MED23: variants seen among roughly 807,000 people sequenced by gnomAD.
MED23 encodes the protein mediator of RNA polymerase II transcription subunit 23.
In MED23, 105 loss-of-function variants were observed where a neutral mutation model predicts 163.9. That is an observed-to-expected ratio of 0.64 (90% CI 0.55 to 0.75). MED23 has a LOEUF of 0.75. Among genes scored for constraint, MED23 ranks in the 30% least tolerant of loss-of-function variants. The pLI, the probability that MED23 is intolerant of heterozygous loss-of-function variation, is 0.00. For synonymous variants in MED23, 561 were observed against 565.6 expected (o/e 0.99, Z 0.12); for missense variants, 1,054 against 1,649.0 (o/e 0.64, Z 6.25).
chr6:131,598,190 T>C lies in MED23; in HGVS notation c.2607+97A>G. On this transcript the variant is annotated intron_variant, in intron 20 of 28. Coordinates refer to ENST00000368068, the MANE Select transcript of MED23 (RefSeq NM_004830.4). This position sits in a 1 kb window ranked among gnomAD's most constrained non-coding sequence, Gnocchi z 4.7. The stretch of plus-strand genomic sequence containing the variant: ...AATGCTTGATATAGTATAAATTCAT[T>C]AAATCCTTCAAAGCAATATAGAGCA... 2 of 1,221,558 alleles carry C rather than the reference T, an allele frequency of 1.6e-6. No homozygotes were observed. Among genetic ancestry groups the C allele is most frequent in the Non-Finnish European group, 2.4e-6 (2 of 840,326 alleles). The allele number at this position is 1,221,558 out of a possible 1,614,324, so 75.7% of individuals were successfully genotyped here.
Position 131,598,175 on chromosome 6 carries a change from A to G in MED23, c.2607+112T>C. 1.9e-6 allele frequency: 2 copies of G among 1,059,732 alleles called. No individual in the cohort carries two copies. Among genetic ancestry groups the G allele is most frequent in the East Asian group, 2.5e-5 (1 of 39,410 alleles). The allele number at this position is 1,059,732 out of a possible 1,614,324, so 65.6% of individuals were successfully genotyped here. The stretch of plus-strand genomic sequence containing the variant: ...TAGGGAAGTGACAGCAATGCTTGAT[A>G]TAGTATAAATTCATTAAATCCTTCA... On this transcript the variant is annotated intron_variant, in intron 20 of 28. Transcript: ENST00000368068. This position sits in a 1 kb window ranked among gnomAD's most constrained non-coding sequence, Gnocchi z 4.7.
intron 30 of MED23, chr6:131,581,071 A>T: frequency 1.3e-6 from 1 of 746,646 alleles, no homozygotes; most frequent in Non-Finnish European, 2.3e-6. Context: ...CTATTGTTTT[A>T]ACTAATTGGC....
intron 10 of MED23, 66 bp from the exon 11 acceptor site, chr6:131,610,312 A>T (rs1330353141): frequency 1.4e-6 from 2 of 1,450,246 alleles, no homozygotes; most frequent in Non-Finnish European, 1.9e-6. Flanking sequence ...GTTACCAGTT[A>T]ATGGGCATTA....
chr6:131,611,556 T>C (rs914960216), intron 10 of MED23, among the ~76,000 whole-genome samples: 1 of 152,152 alleles, frequency 6.6e-6, no homozygotes, highest in African/African-American at 2.4e-5. Flanking sequence ...CAGACAACAC[T>C]ACAGACTATT....
At chr6:131,625,103 G>A (rs1777388857) in intron 3 of MED23, 114 bp from the exon 4 acceptor site, 4 of 1,155,422 alleles carry the variant, frequency 3.5e-6, no homozygotes, top group South Asian at 1.3e-5. Context: ...TTCACTATGA[G>A]CATCTGTGGA....
chr6:131,588,132 G>A (rs773574342), intron 28 of MED23, among the ~76,000 whole-genome samples: 1 of 152,074 alleles, frequency 6.6e-6, no homozygotes, highest in Non-Finnish European at 1.5e-5. Flanking sequence ...TTACAAAGGC[G>A]TATCCACTCA....
intron 5 of MED23, among the ~76,000 whole-genome samples, chr6:131,622,551 T>C (rs1329549279): frequency 3.3e-5 from 5 of 152,222 alleles, no homozygotes; most frequent in Non-Finnish European, 7.3e-5. Flanking sequence ...ATTCAACATT[T>C]ATTTATTGAC....
At chr6:131,608,861 A>G (rs762199307) in intron 11 of MED23, among the ~76,000 whole-genome samples, 15 of 152,190 alleles carry the variant, frequency 9.9e-5, no homozygotes, top group Non-Finnish European at 2.1e-4. Flanking sequence ...TATGTCTAAA[A>G]TTTTTGACAA....
intron 30 of MED23, chr6:131,581,443 G>A (rs540828658): frequency 6.6e-7 from 1 of 1,504,206 alleles, no homozygotes; most frequent in East Asian, 2.4e-5. Flanking sequence ...GGAGGTGGAA[G>A]GGAAATGAGA....
Position 131,602,378 on chromosome 6 carries a change from G to C in MED23, c.1935C>G (p.Val645=). 1 of 1,611,950 alleles carries C rather than the reference G, an allele frequency of 6.2e-7. No individual in the cohort carries two copies. Among genetic ancestry groups the C allele is most frequent in the Non-Finnish European group, 8.5e-7 (1 of 1,178,902 alleles). The stretch of plus-strand genomic sequence containing the variant: ...TTATAAGCCTGAGAGCAGTGCTCTC[G>C]ACACTGAAAATTGGGAGAATAAAAA... ...QTNQNQLHLC[V]ESTALRLITA... is the part of the protein sequence containing the mutation. Residue 645 remains valine (V), a synonymous_variant, in exon 17 of 29, where the codon GTC becomes GTG. Transcript: ENST00000368068.
At chr6:131,622,025 T>G in intron 5 of MED23, 46 bp from the exon 6 acceptor site, 3 of 1,395,320 alleles carry the variant, frequency 2.2e-6, no homozygotes, top group Non-Finnish European at 2.0e-6. Flanking sequence ...TAGTGTCTAC[T>G]GTGTTAGCTA....
chr6:131,623,557 T>C, intron 4 of MED23, 95 bp from the exon 5 acceptor site: 1 of 951,876 alleles, frequency 1.1e-6, no homozygotes, highest in South Asian at 1.3e-5. Flanking sequence ...CTCACACAAA[T>C]CTCATCTTGA....
At chr6:131,608,094 C>T in intron 11 of MED23, 23 bp from the exon 12 acceptor site, 1 of 1,612,426 alleles carries the variant, frequency 6.2e-7, no homozygotes, top group Non-Finnish European at 8.5e-7. Flanking sequence ...TTTAAATACA[C>T]ATGTATACAC....
Position 131,605,352 on chromosome 6 carries a change from CATAA to C in MED23, c.1497_1500del (p.Ile499MetfsTer6). ...AGAGGTATCCTCATAATTCCATTTC[CATAA>C]ATAGTTTCTACCAGAGCTCCCATGG... On this transcript the variant is annotated frameshift_variant, in exon 14 of 29. Transcript: ENST00000368068. LOFTEE classifies it high-confidence loss of function. 1.2e-6 allele frequency: 2 copies of C among 1,613,418 alleles called. No individual in the cohort carries two copies. The highest frequency in any genetic ancestry group is 1.7e-6 in the Non-Finnish European group (2 of 1,179,658).
Position 131,598,638 on chromosome 6 carries a change from T to G in MED23, c.2344A>C (p.Met782Leu), listed in dbSNP as rs1312621138. ...AGAAAGAGAGGAGGGGAGCCCTGCATAGAGAAGTGGGTAATAATGTCGTTT... is the reference window on the plus strand; with the variant it reads ...AGAAAGAGAGGAGGGGAGCCCTGCAGAGAGAAGTGGGTAATAATGTCGTTT... The part of the protein sequence containing the change: ...NENDIITHFS[M>L]QGSPPLFLCL... Residue 782 changes from methionine to leucine, a missense_variant, in exon 19 of 29, where the codon ATG (methionine) becomes CTG (leucine). This residue lies in a region of MED23 where 228 missense variants were observed against 461.3 expected (regional missense o/e 0.49). Coordinates refer to ENST00000368068, the MANE Select transcript of MED23 (RefSeq NM_004830.4). The surrounding 1 kb of genome is among the most constrained non-coding windows in gnomAD (Gnocchi z 4.7). 1 of 1,614,060 alleles carries G rather than the reference T, an allele frequency of 6.2e-7. No homozygotes were observed. Among genetic ancestry groups the G allele is most frequent in the African/African-American group, 1.3e-5 (1 of 74,918 alleles).
chr6:131,615,892 A>T lies in MED23; in HGVS notation c.876+15T>A, dbSNP rs1295193823. On this transcript the variant is annotated intron_variant, in intron 10 of 28. Coordinates refer to ENST00000368068, the MANE Select transcript of MED23 (RefSeq NM_004830.4). ...TCTATGCAGAATTTACTAGGTTTCC[A>T]GCATAGTACAGTACCTGCTTATTTA... is the stretch of plus-strand genomic sequence containing the variant. The T allele has an allele frequency of 1.3e-6, 2 of 1,587,854 alleles. No homozygotes were observed. Among genetic ancestry groups the T allele is most frequent in the Admixed American group, 3.3e-5 (2 of 59,956 alleles).
In MED23 at chr6:131,606,505, T is replaced by C; in HGVS notation, c.1341A>G (p.Ile447Met). ...QNDNSKLQIPIPHSLRLHHEF... is the reference protein window; with the variant it reads ...QNDNSKLQIPMPHSLRLHHEF... The stretch of plus-strand genomic sequence containing the variant: ...CATGGTGAAGTCTTAGGGAATGAGG[T>C]ATTGGAATCTGTAGCTTGGAGTTGT... The change falls in exon 13 of 29, where the codon ATA (isoleucine) becomes ATG (methionine). Residue 447 changes from isoleucine (I) to methionine (M), a missense_variant. Ile to Met is a conservative substitution (Grantham distance 10). Transcript: ENST00000368068. 1 of 1,613,538 alleles carries C rather than the reference T, an allele frequency of 6.2e-7. No individual in the cohort carries two copies. The highest frequency in any genetic ancestry group is 8.5e-7 in the Non-Finnish European group (1 of 1,179,644).
rs1267578533 is a variant in MED23 at position 131,596,598 on chromosome 6, C to T, written c.2698G>A (p.Val900Ile). Residue 900 changes from valine to isoleucine, a missense_variant, in exon 21 of 29, where the codon GTA becomes ATA. Transcript: ENST00000368068. ...GAATTTTCCTTCACAAAGTCACTTA[C>T]TCGATTTCTAAAATCGTTTGGTTTG... ...LLKPNDFRNR[V>I]SDFVKENSPE... The T allele has an allele frequency of 8.7e-6, 14 of 1,614,036 alleles. No individual in the cohort carries two copies. The highest frequency in any genetic ancestry group is 2.2e-5 in the East Asian group (1 of 44,882).
downstream of MED23, chr6:131,583,211 T>G: frequency 6.2e-7 from 1 of 1,600,574 alleles, no homozygotes; most frequent in East Asian, 2.2e-5. Context: ...ACAGAAAAGG[T>G]TGCTACTGAC....
Sources: allele counts gnomAD v4.1 joint callset (sites outside exome capture counted in the v4.1 genomes callset), GRCh38; gene constraint gnomAD v4.1.1; regional missense constraint gnomAD v4.1.1; non-coding constraint Gnocchi (gnomAD v3.1); transcripts MANE v1.5; gene names NCBI Gene and HGNC (gene_info 2026-07-23, HGNC 2026-07-21).